IGF2R: variants seen among roughly 807,000 people sequenced by gnomAD.
IGF2R encodes the protein cation-independent mannose-6-phosphate receptor.
A neutral mutation model predicts 270.6 loss-of-function variants in IGF2R; 91 were observed. That is an observed-to-expected ratio of 0.34 (90% CI 0.28 to 0.40). The LOEUF is 0.40. Ranked by LOEUF, IGF2R falls within the 10% of genes least tolerant of loss-of-function variation. IGF2R has a pLI of 1.00. For missense variants in IGF2R, 2,805 were observed against 3,188.3 expected, an observed-to-expected ratio of 0.88 and a Z score of 2.90; for synonymous variants, 1,316 against 1,258.9, an observed-to-expected ratio of 1.05 and a Z score of -0.96.
At chr6:160,092,716 C>T (rs1220929317) in intron 44 of IGF2R, among the ~76,000 whole-genome samples, 1 of 152,346 alleles carries the variant, frequency 6.6e-6, no homozygotes, top group East Asian at 1.9e-4. Flanking sequence ...GCCCCTGCTT[C>T]AGCTACTCCC....
chr6:160,105,665 T>TTC lies in IGF2R; in HGVS notation c.*585_*586dup, dbSNP rs1465040403. 6.5e-6 allele frequency: 1 copy of TTC among 153,144 alleles called. No homozygotes were observed. Among genetic ancestry groups the TTC allele is most frequent in the East Asian group, 1.9e-4 (1 of 5,176 alleles). 9.5% of individuals were successfully genotyped at this position (153,144 alleles called of 1,614,324 possible). On this transcript the variant is annotated 3_prime_UTR_variant, in exon 48 of 48. Coordinates refer to ENST00000356956, the MANE Select transcript of IGF2R (RefSeq NM_000876.4). ...TGAGTTGGAGCTCATTCTGTCTCTT[T>TTC]TCTCTTTTGCTTTCTGTTTCTTAAG...
At chr6:160,104,187 C>G (rs1583309853) in intron 47 of IGF2R, among the ~76,000 whole-genome samples, 1 of 152,004 alleles carries the variant, frequency 6.6e-6, no homozygotes, top group South Asian at 2.1e-4. Flanking sequence ...TTATCTGGAT[C>G]AAAGGACATA....
intron 1 of IGF2R, among the ~76,000 whole-genome samples, chr6:159,986,353 T>G (rs184112100): frequency 7.1e-4 from 107 of 150,798 alleles, no homozygotes; most frequent in African/African-American, 2.3e-3. Flanking sequence ...TGCCTCAGCC[T>G]CCCGAGTAGT....
Position 160,103,731 on chromosome 6 carries a change from C to G in IGF2R, c.6996-15C>G, listed in dbSNP as rs916662142. On this transcript the variant is annotated splice_polypyrimidine_tract_variant and intron_variant, in intron 46 of 47. Transcript: ENST00000356956. ...CTCTACACTGGAGTAATTATTGTCT[C>G]CTTTTTTTTTATAGGGAAACAGTGA... The G allele has an allele frequency of 6.3e-7, 1 of 1,597,020 alleles. No individual in the cohort carries two copies. Among genetic ancestry groups the G allele is most frequent in the Non-Finnish European group, 8.6e-7 (1 of 1,164,512 alleles).
chr6:159,987,375 A>T (rs1431830452), intron 1 of IGF2R, among the ~76,000 whole-genome samples: 5 of 152,164 alleles, frequency 3.3e-5, no homozygotes, highest in Non-Finnish European at 7.3e-5. Context: ...GCTCCTGTTG[A>T]TACTAGGGGC....
Position 160,002,287 on chromosome 6 carries a change from A to G in IGF2R, c.290-6723A>G, listed in dbSNP as rs533480696. Among the ~76,000 whole-genome samples, 109 of 152,292 alleles carry G rather than the reference A, an allele frequency of 7.2e-4. 1 individual carries two copies. Among genetic ancestry groups the G allele is most frequent in the African/African-American group, 2.6e-3 (107 of 41,564 alleles). ...ATGCCTGTAGTCCCAACTACTTGGG[A>G]GGCTGAGGCAGGAGGATTGCTTGAG... On this transcript the variant is annotated intron_variant, in intron 2 of 47. Transcript: ENST00000356956.
At chr6:160,015,031 G>A (rs963056838) in intron 4 of IGF2R, among the ~76,000 whole-genome samples, 4 of 152,230 alleles carry the variant, frequency 2.6e-5, no homozygotes, top group African/African-American at 9.6e-5. Flanking sequence ...GTGAGTAGGT[G>A]TAGGTCGTTT....
intron 45 of IGF2R, among the ~76,000 whole-genome samples, chr6:160,100,573 AT>A (rs1299972956): frequency 1.3e-5 from 2 of 152,078 alleles, no homozygotes; most frequent in East Asian, 3.9e-4. Flanking sequence ...TTTTTGGAAG[AT>A]TGAGACAGCA....
At chr6:160,057,101 G>A (rs1778332731) in intron 20 of IGF2R, among the ~76,000 whole-genome samples, 1 of 152,154 alleles carries the variant, frequency 6.6e-6, no homozygotes, top group African/African-American at 2.4e-5. Flanking sequence ...GCCCACAGGT[G>A]TTAATATGAT....
intron 1 of IGF2R, among the ~76,000 whole-genome samples, chr6:159,981,323 AAGTGTGTGTGTCTG>A (rs955104856): frequency 5.9e-5 from 9 of 151,392 alleles, no homozygotes; most frequent in Non-Finnish European, 7.4e-5. Context: ...CTGTGAGTGC[AAGTGTGTGTGTCTG>A]AGTGTGTGTG....
At chr6:160,058,205 A>G (rs888211957) in intron 21 of IGF2R, 81 bp downstream of exon 21, 4 of 907,568 alleles carry the variant, frequency 4.4e-6, no homozygotes, top group Middle Eastern at 2.2e-4. Flanking sequence ...ACGTGGTGAT[A>G]TGAGAGAATT....
intron 2 of IGF2R, among the ~76,000 whole-genome samples, chr6:160,007,882 G>T (rs1784268494): frequency 6.6e-6 from 1 of 152,046 alleles, no homozygotes; most frequent in Non-Finnish European, 1.5e-5. Flanking sequence ...TAATCTTTTT[G>T]AGTCTTAAGA....
chr6:159,998,575 AAAG>A lies in IGF2R; in HGVS notation c.289+7253_289+7255del, dbSNP rs1278801088. Among the ~76,000 whole-genome samples the A allele has an allele frequency of 6.6e-6, 1 of 152,228 alleles. No individual in the cohort carries two copies. Among genetic ancestry groups the A allele is most frequent in the Admixed American group, 6.5e-5 (1 of 15,284 alleles). ...ATACCAAAGATAACTAGATGACTAA[AAAG>A]TAACTTACAGGTTAAGATGATGATG... On this transcript the variant is annotated intron_variant, in intron 2 of 47. Coordinates refer to ENST00000356956, the MANE Select transcript of IGF2R (RefSeq NM_000876.4). This position sits in a 1 kb window ranked among gnomAD's most constrained non-coding sequence, Gnocchi z 4.1.
rs887804894 is a variant in IGF2R, at chr6:160,102,923, G to T, written c.6995+252G>T. On this transcript the variant is annotated intron_variant, in intron 46 of 47. Transcript: ENST00000356956. The surrounding 1 kb of genome is among the most constrained non-coding windows in gnomAD (Gnocchi z 4.5). ...GCGGCTTCTAGGACCGTGGTCCTTTGTGTCCAAAGATGAGTAGAACATTAA... is the reference window on the plus strand; with the variant it reads ...GCGGCTTCTAGGACCGTGGTCCTTTTTGTCCAAAGATGAGTAGAACATTAA... 6.6e-6 allele frequency among the ~76,000 whole-genome samples: 1 copy of T among 152,162 alleles called. No homozygotes were observed. The highest frequency in any genetic ancestry group is 2.1e-4 in the South Asian group (1 of 4,830).
At position 159,986,405 on chromosome 6, in the gene IGF2R, TGTGTGTGTG is replaced by T. The variant is rs1334213715; in HGVS notation, c.150-4778_150-4770del. Among the ~76,000 whole-genome samples the T allele has an allele frequency of 3.0e-5, 3 of 100,596 alleles. No homozygotes were observed. In the East Asian group the frequency reaches 1.3e-3, roughly 45 times the overall value. The allele number at this position is 100,596 out of a possible 152,430, so 66.0% of individuals were successfully genotyped here. ...CGCGACCATGCCTGGCTAATTTTTG[TGTGTGTGTG>T]TGTGTGTGTGTGTGTGTTTTTTTTT... On this transcript the variant is annotated intron_variant, in intron 1 of 47. Coordinates refer to ENST00000356956, the MANE Select transcript of IGF2R (RefSeq NM_000876.4).
rs748416838 is a variant in IGF2R, at chr6:160,045,790, G to T, written c.1811G>T (p.Gly604Val). Residue 604 changes from glycine to valine, a missense_variant, in exon 14 of 48, where the codon GGT becomes GTT. By Grantham distance (109) the Gly-to-Val change is moderately radical (BLOSUM62 -3). Transcript: ENST00000356956. ...GTGTTGAGAACTTCTGGGGAAGGCGGTTGCTTTTATGAGTTTGAGTGGCAC... is the reference window on the plus strand; with the variant it reads ...GTGTTGAGAACTTCTGGGGAAGGCGTTTGCTTTTATGAGTTTGAGTGGCAC... The part of the protein sequence containing the change: ...APVLRTSGEG[G>V]CFYEFEWHTA... 6.2e-7 allele frequency: 1 copy of T among 1,613,940 alleles called. No homozygotes were observed. The highest frequency in any genetic ancestry group is 1.3e-5 in the African/African-American group (1 of 74,922).
At chr6:159,991,396 C>T in intron 2 of IGF2R, 73 bp downstream of exon 2, 1 of 1,337,368 alleles carries the variant, frequency 7.5e-7, no homozygotes, top group Non-Finnish European at 1.1e-6. Context: ...CTGTGTATAG[C>T]TATACGTATA....
rs1329494743 is a variant in IGF2R, at chr6:160,105,598, C to A, written c.*514C>A. The A allele has an allele frequency of 6.5e-6, 1 of 154,280 alleles. No individual in the cohort carries two copies. The highest frequency in any genetic ancestry group is 1.4e-5 in the Non-Finnish European group (1 of 69,234). The allele number at this position is 154,280 out of a possible 1,614,324, so 9.6% of individuals were successfully genotyped here. On this transcript the variant is annotated 3_prime_UTR_variant, in exon 48 of 48. Coordinates refer to ENST00000356956, the MANE Select transcript of IGF2R (RefSeq NM_000876.4). ...ATGGTGAGGCTGTCAGTGTATGGGGCAGCTTCCGGCGGGATGTTGAACTGG... is the reference window on the plus strand; with the variant it reads ...ATGGTGAGGCTGTCAGTGTATGGGGAAGCTTCCGGCGGGATGTTGAACTGG...
At chr6:160,061,711 A>G in intron 24 of IGF2R, 42 bp from the exon 25 acceptor site, 1 of 1,613,556 alleles carries the variant, frequency 6.2e-7, no homozygotes, top group Non-Finnish European at 8.5e-7. Flanking sequence ...ACTCAAGGTC[A>G]TCGCCTTCCT....
Sources: allele counts gnomAD v4.1 joint callset (sites outside exome capture counted in the v4.1 genomes callset), GRCh38; gene constraint gnomAD v4.1.1; non-coding constraint Gnocchi (gnomAD v3.1); transcripts MANE v1.5; gene names NCBI Gene and HGNC (gene_info 2026-07-23, HGNC 2026-07-21).